The following SYNPO2 variants were observed in gnomAD, a reference collection of about 807,000 sequenced individuals.
SYNPO2 encodes synaptopodin-2.
Under a neutral mutation model 85.0 loss-of-function variants are expected in SYNPO2, and 56 were observed. The ratio of observed to expected loss-of-function variants is 0.66; its 90% confidence interval spans 0.53 to 0.82. The LOEUF is 0.82. Among genes scored for constraint, SYNPO2 ranks in the 40% least tolerant of loss-of-function variants. The pLI is 0.00. For missense variants in SYNPO2, 1,575 were observed against 1,534.2 expected, an observed-to-expected ratio of 1.03 and a Z score of -0.44; for synonymous variants, 602 against 591.1, an observed-to-expected ratio of 1.02 and a Z score of -0.27.
In SYNPO2 at chr4:119,023,580, A is replaced by T; in HGVS notation, c.256A>T (p.Arg86Ter). 6.2e-7 allele frequency: 1 copy of T among 1,609,268 alleles called. No individual in the cohort carries two copies. ...AGACTCTCTCCAAATGCTCATCAAA[A>T]GGTACAACAGATTTGCTGGAATATG... ...ITDSLQMLIK[R>*]PSSGISEALI... Residue 86 changes from arginine (R) to a stop codon, truncating the protein, a stop_gained and splice_region_variant, in exon 2 of 5, where the codon AGA becomes TGA. Transcript: ENST00000307142. LOFTEE classifies it high-confidence loss of function.
rs1279847338 is a variant in SYNPO2, at chr4:119,027,026, G to A, written c.657G>A (p.Pro219=). 5.0e-6 allele frequency: 8 copies of A among 1,613,934 alleles called. No homozygotes were observed. Among genetic ancestry groups the A allele is most frequent in the African/African-American group, 1.3e-5 (1 of 74,884 alleles). The part of the protein sequence containing the change: ...KGASGPLVAL[P]GAEKSKSPDP... ...CTAGTGGCCCTTTAGTGGCTCTCCC[G>A]GGAGCTGAAAAATCTAAGTCTCCTG... The change falls in exon 3 of 5, where the codon CCG becomes CCA. Residue 219 remains proline (P), a synonymous_variant. Transcript: ENST00000307142.
At chr4:118,965,008 TCA>T (rs1448093334) in intron 1 of SYNPO2, among the ~76,000 whole-genome samples, 5 of 152,152 alleles carry the variant, frequency 3.3e-5, no homozygotes, top group Non-Finnish European at 7.4e-5. Flanking sequence ...TCTGTTGCAT[TCA>T]CAGTCAGCTC....
At chr4:118,893,193 A>T (rs2149114830) in intron 1 of SYNPO2, among the ~76,000 whole-genome samples, 1 of 152,290 alleles carries the variant, frequency 6.6e-6, no homozygotes, top group South Asian at 2.1e-4. Flanking sequence ...TGCTTATAGA[A>T]GTTAGTGTGC....
intron 1 of SYNPO2, among the ~76,000 whole-genome samples, chr4:118,909,506 A>T (rs1458296457): frequency 1.3e-5 from 2 of 152,176 alleles, no homozygotes; most frequent in Admixed American, 6.5e-5. Flanking sequence ...TTTTCCATTA[A>T]ACTCAGGACA....
In SYNPO2 at chr4:119,030,625, C is replaced by T; in HGVS notation, c.1850C>T (p.Pro617Leu). ...RNMTSPIADFPAPPPYSAVTP... is the reference protein window; with the variant it reads ...RNMTSPIADFLAPPPYSAVTP... ...ATGACGAGTCCCATTGCTGACTTTCCTGCACCTCCACCTTACTCTGCAGTC... is the reference window on the plus strand; with the variant it reads ...ATGACGAGTCCCATTGCTGACTTTCTTGCACCTCCACCTTACTCTGCAGTC... Residue 617 changes from proline to leucine, a missense_variant, in exon 4 of 5, where the codon CCT becomes CTT. Physicochemically the swap from Pro to Leu is moderately conservative, Grantham distance 98. Transcript: ENST00000307142. 1 of 1,614,134 alleles carries T rather than the reference C, an allele frequency of 6.2e-7. No homozygotes were observed. The highest frequency in any genetic ancestry group is 1.1e-5 in the South Asian group (1 of 91,080).
chr4:119,009,849 A>G (rs2149178181), intron 1 of SYNPO2, among the ~76,000 whole-genome samples: 1 of 152,364 alleles, frequency 6.6e-6, no homozygotes, highest in South Asian at 2.1e-4. Context: ...ACTAGTGTGT[A>G]TAGAAATCAC....
chr4:118,859,453 C>T (rs893956017), intron 1 of SYNPO2, among the ~76,000 whole-genome samples: 4 of 152,130 alleles, frequency 2.6e-5, no homozygotes, highest in Admixed American at 6.5e-5. Flanking sequence ...TTTAAAAGTG[C>T]GACTAAATTA....
chr4:118,879,342 GT>G (rs754470015), intron 1 of SYNPO2, among the ~76,000 whole-genome samples: 1 of 152,172 alleles, frequency 6.6e-6, no homozygotes. Context: ...GGAACTGAAC[GT>G]TTTTGTCTCC....
At chr4:118,909,605 T>G (rs1733065251) in intron 1 of SYNPO2, among the ~76,000 whole-genome samples, 1 of 152,190 alleles carries the variant, frequency 6.6e-6, no homozygotes, top group South Asian at 2.1e-4. Flanking sequence ...ATAGACAGCT[T>G]TGATAGTGGC....
intron 1 of SYNPO2, among the ~76,000 whole-genome samples, chr4:118,879,518 G>T (rs1394418627): frequency 6.6e-6 from 1 of 152,188 alleles, no homozygotes; most frequent in Non-Finnish European, 1.5e-5. Context: ...GACACAATGA[G>T]AAGACAGTCA....
rs1267026336 is a variant in SYNPO2, at chr4:119,026,941, T to C, written c.572T>C (p.Val191Ala). The C allele has an allele frequency of 1.2e-6, 2 of 1,614,152 alleles. No individual in the cohort carries two copies. The highest frequency in any genetic ancestry group is 1.7e-6 in the Non-Finnish European group (2 of 1,180,014). Reference sequence around the variant, plus strand: ...ATCTTAAGGGAGAAGGTAGAAGCGGTACAGCCTGGGCCTGTGGTTGAGCTG... The same window carrying C: ...ATCTTAAGGGAGAAGGTAGAAGCGGCACAGCCTGGGCCTGTGGTTGAGCTG... ...ELILREKVEAVQPGPVVELQL... is the reference protein window; with the variant it reads ...ELILREKVEAAQPGPVVELQL... The change falls in exon 3 of 5, where the codon GTA becomes GCA. Residue 191 changes from valine to alanine, a missense_variant. Transcript: ENST00000307142.
chr4:118,930,122 A>G (rs1405408105), intron 1 of SYNPO2, among the ~76,000 whole-genome samples: 1 of 152,210 alleles, frequency 6.6e-6, no homozygotes, highest in Non-Finnish European at 1.5e-5. Context: ...GTTAGCAATA[A>G]TGAAACTTCT....
chr4:118,862,522 G>T (rs1487609754), intron 1 of SYNPO2, among the ~76,000 whole-genome samples: 2 of 152,098 alleles, frequency 1.3e-5, no homozygotes, highest in Non-Finnish European at 2.9e-5. Context: ...TTTTTTGAGA[G>T]TTTTTATCAT....
chr4:118,876,652 TTCC>T (rs1731914409), intron 1 of SYNPO2, among the ~76,000 whole-genome samples: 1 of 149,536 alleles, frequency 6.7e-6, no homozygotes, highest in Non-Finnish European at 1.5e-5. Flanking sequence ...CCTTTCTTCC[TTCC>T]TTCCTTCCTT....
intron 1 of SYNPO2, among the ~76,000 whole-genome samples, chr4:118,998,055 C>T (rs1736683161): frequency 6.6e-6 from 1 of 152,102 alleles, no homozygotes; most frequent in African/African-American, 2.4e-5. Flanking sequence ...AGGATTCTGA[C>T]GGGGGTGGTA....
intron 1 of SYNPO2, among the ~76,000 whole-genome samples, chr4:118,993,499 G>A (rs1042150754): frequency 2.0e-5 from 3 of 152,188 alleles, no homozygotes; most frequent in South Asian, 2.1e-4. Context: ...TAATGTGTCT[G>A]TGTGAGTTTC....
Position 118,881,780 on chromosome 4 carries a change from G to A in SYNPO2, c.12+30840G>A, listed in dbSNP as rs569226561. Among the ~76,000 whole-genome samples the A allele has an allele frequency of 1.5e-4, 23 of 152,234 alleles. No homozygotes were observed. The South Asian group carries it at 2.3e-3, about 15-fold the overall frequency. On this transcript the variant is annotated intron_variant, in intron 1 of 4. Coordinates refer to the SYNPO2 transcript ENST00000610556. ...GAGGGCATCTTCTTTCACACTGCTCGTTCTCTCCCTCTTTGGAATGCTACC... is the reference window on the plus strand; with the variant it reads ...GAGGGCATCTTCTTTCACACTGCTCATTCTCTCCCTCTTTGGAATGCTACC...
intron 4 of SYNPO2, chr4:119,034,772 G>A: frequency 1.0e-6 from 1 of 985,524 alleles, no homozygotes; most frequent in Non-Finnish European, 1.2e-6. Flanking sequence ...GGGGCTATAT[G>A]TGCCACCTTT....
chr4:118,889,653 T>G (rs902474870), intron 1 of SYNPO2, among the ~76,000 whole-genome samples: 1 of 152,206 alleles, frequency 6.6e-6, no homozygotes, highest in South Asian at 2.1e-4. Context: ...TGAAGTGTCA[T>G]AAAATCTATT....
Sources: allele counts gnomAD v4.1 joint callset (sites outside exome capture counted in the v4.1 genomes callset), GRCh38; gene constraint gnomAD v4.1.1; transcripts MANE v1.5; gene names NCBI Gene and HGNC (gene_info 2026-07-23, HGNC 2026-07-21).